The following CDH20 variants were observed in gnomAD, a reference collection of about 807,000 sequenced individuals.
CDH20 encodes the protein cadherin 20, also known as cadherin-20.
A neutral mutation model predicts 74.2 loss-of-function variants in CDH20; 29 were observed. The ratio of observed to expected loss-of-function variants is 0.39; its 90% CI spans 0.29 to 0.53. The LOEUF (loss-of-function observed/expected upper bound fraction) is 0.53. Among genes scored for constraint, CDH20 ranks in the 20% least tolerant of loss-of-function variants. CDH20 has a pLI of 0.69. For missense variants in CDH20, 988 were observed against 1,048.3 expected, an observed-to-expected ratio of 0.94 and a Z score of 0.79; for synonymous variants, 469 against 405.4, an observed-to-expected ratio of 1.16 and a Z score of -1.88.
chr18:61,448,720 C>T (rs1250456340), intron 1 of CDH20, among the ~76,000 whole-genome samples: 1 of 152,140 alleles, frequency 6.6e-6, no homozygotes. Flanking sequence ...TCATCACCTC[C>T]CTATCCTGCC....
At chr18:61,518,192 G>C (rs1433699989) in intron 6 of CDH20, among the ~76,000 whole-genome samples, 1 of 152,106 alleles carries the variant, frequency 6.6e-6, no homozygotes, top group East Asian at 1.9e-4. Context: ...TGTGGGCACA[G>C]CTTCAGCAGA....
At chr18:61,350,543 T>G (rs1390379) in intron 1 of CDH20, among the ~76,000 whole-genome samples, 147,812 of 152,170 alleles carry the variant, frequency 0.97, 71,930 homozygotes, top group Middle Eastern at 1. Context: ...AAGAGGAAAG[T>G]GTGCTATCTG....
chr18:61,379,585 T>G (rs1232701939), intron 1 of CDH20, among the ~76,000 whole-genome samples: 1 of 152,222 alleles, frequency 6.6e-6, no homozygotes, highest in Non-Finnish European at 1.5e-5. Context: ...CTGATAATTT[T>G]TGGTATCGTG....
At chr18:61,339,302 T>C (rs1272705341) in intron 1 of CDH20, among the ~76,000 whole-genome samples, 4 of 152,028 alleles carry the variant, frequency 2.6e-5, no homozygotes, top group Non-Finnish European at 4.4e-5. Context: ...TTCTACTCTT[T>C]AAGTACTGAG....
intron 4 of CDH20, 86 bp from the exon 5 acceptor site, chr18:61,502,867 T>C (rs1287998296): frequency 7.2e-6 from 8 of 1,107,192 alleles, no homozygotes; most frequent in Non-Finnish European, 9.0e-6. Flanking sequence ...GCATTAATGG[T>C]GCACCAGGGA....
intron 1 of CDH20, among the ~76,000 whole-genome samples, chr18:61,369,285 A>G (rs921540506): frequency 5.3e-5 from 8 of 152,146 alleles, no homozygotes; most frequent in African/African-American, 1.7e-4. Flanking sequence ...GGTTTGTCTG[A>G]CTGCAAGGCC....
At chr18:61,529,397 G>A (rs1260296556) in intron 7 of CDH20, among the ~76,000 whole-genome samples, 2 of 152,102 alleles carry the variant, frequency 1.3e-5, no homozygotes, top group African/African-American at 2.4e-5. Context: ...ACCATACTAG[G>A]GGCAAATTCA....
chr18:61,533,783 T>C (rs140164546), intron 7 of CDH20, among the ~76,000 whole-genome samples: 350 of 151,898 alleles, frequency 2.3e-3, no homozygotes, highest in African/African-American at 7.6e-3. Context: ...TAATCCATTT[T>C]AAGTTGATTC....
chr18:61,512,846 G>T (rs1446700559), intron 6 of CDH20, among the ~76,000 whole-genome samples: 2 of 152,070 alleles, frequency 1.3e-5, no homozygotes, highest in Admixed American at 1.3e-4. Context: ...GTTCTAGTTT[G>T]ATTGCACTGT....
chr18:61,473,501 T>C (rs1910260471), intron 1 of CDH20, among the ~76,000 whole-genome samples: 2 of 151,926 alleles, frequency 1.3e-5, no homozygotes, highest in African/African-American at 2.4e-5. Context: ...AGTTACTATA[T>C]GGAAAAGATA....
intron 6 of CDH20, among the ~76,000 whole-genome samples, chr18:61,516,843 G>A (rs1214992732): frequency 6.6e-6 from 1 of 152,032 alleles, no homozygotes; most frequent in East Asian, 1.9e-4. Flanking sequence ...ATAAGCAAGA[G>A]TTTGTGTCAG....
intron 1 of CDH20, among the ~76,000 whole-genome samples, chr18:61,390,671 T>C (rs1911750515): frequency 6.6e-6 from 1 of 152,154 alleles, no homozygotes; most frequent in African/African-American, 2.4e-5. Context: ...AGAATTGAGC[T>C]CAAATGTATT....
At chr18:61,492,855 C>G (rs926350903) in intron 2 of CDH20, among the ~76,000 whole-genome samples, 1 of 152,202 alleles carries the variant, frequency 6.6e-6, no homozygotes, top group Non-Finnish European at 1.5e-5. Context: ...CCCATTTTAT[C>G]CCCAAGGCCT....
chr18:61,451,323 T>C (rs1909379061), intron 1 of CDH20, among the ~76,000 whole-genome samples: 1 of 151,960 alleles, frequency 6.6e-6, no homozygotes, highest in Admixed American at 6.6e-5. Flanking sequence ...ATTATTAAAT[T>C]ATATAAAAAA....
chr18:61,554,970 GTGTTC>G lies in CDH20; in HGVS notation c.*278_*282del. 1 of 1,285,844 alleles carries G rather than the reference GTGTTC, an allele frequency of 7.8e-7. No homozygotes were observed. Among genetic ancestry groups the G allele is most frequent in the Non-Finnish European group, 9.8e-7 (1 of 1,015,342 alleles). The allele number at this position is 1,285,844 out of a possible 1,614,324, so 79.7% of individuals were successfully genotyped here. On this transcript the variant is annotated 3_prime_UTR_variant, in exon 12 of 12. Transcript: ENST00000262717. Reference sequence around the variant, plus strand: ...TGTGTGCGAAGGCTTGGAGTCCAAGGTGTTCTGACAAGGGTGGCTTTTCTCTGCCA... The same window carrying G: ...TGTGTGCGAAGGCTTGGAGTCCAAGGTGACAAGGGTGGCTTTTCTCTGCCA...
At chr18:61,410,818 T>A (rs899151463) in intron 1 of CDH20, among the ~76,000 whole-genome samples, 4 of 152,214 alleles carry the variant, frequency 2.6e-5, no homozygotes, top group Non-Finnish European at 5.9e-5. Context: ...ATTTTTATAA[T>A]CTTTGAAAGG....
chr18:61,369,398 C>T (rs939786624), intron 1 of CDH20, among the ~76,000 whole-genome samples: 2 of 151,916 alleles, frequency 1.3e-5, no homozygotes, highest in Non-Finnish European at 1.5e-5. Context: ...GTCTATAACT[C>T]GAAGCATAAT....
At chr18:61,378,825 C>G (rs1911335870) in intron 1 of CDH20, among the ~76,000 whole-genome samples, 1 of 152,112 alleles carries the variant, frequency 6.6e-6, no homozygotes, top group East Asian at 1.9e-4. Flanking sequence ...GGTGCTTCAG[C>G]TTAGATGTGA....
intron 2 of CDH20, among the ~76,000 whole-genome samples, chr18:61,496,161 C>T (rs1484849737): frequency 1.7e-4 from 7 of 42,034 alleles, no homozygotes; most frequent in African/African-American, 7.0e-4. Context: ...CTCTCCTCCC[C>T]TCCTCTCCCC....
Sources: gnomAD v4.1 joint callset for allele counts (sites outside exome capture counted in the v4.1 genomes callset) on GRCh38, gnomAD v4.1.1 for gene constraint, MANE v1.5 for transcripts, NCBI Gene and HGNC (gene_info 2026-07-23, HGNC 2026-07-21) for gene names.